CLVS1: variants seen among roughly 807,000 people sequenced by gnomAD.
CLVS1 encodes the protein clavesin 1, also known as clavesin-1.
A neutral mutation model predicts 33.1 loss-of-function variants in CLVS1; 10 were observed. The ratio of observed to expected loss-of-function variants is 0.30; its 90% confidence interval spans 0.19 to 0.51. The LOEUF (loss-of-function observed/expected upper bound fraction) is 0.51, where lower values mean the gene tolerates loss of function less well. Among genes scored for constraint, CLVS1 ranks in the 20% least tolerant of loss-of-function variants. CLVS1 has a pLI of 0.97. For missense variants in CLVS1, 343 were observed against 433.4 expected, an observed-to-expected ratio of 0.79 and a Z score of 1.85; for synonymous variants, 163 against 166.1, an observed-to-expected ratio of 0.98 and a Z score of 0.14.
At chr8:61,499,428 C>T (rs1212862515) in intron 5 of CLVS1, 27 bp from the exon 6 acceptor site, 1 of 1,519,532 alleles carries the variant, frequency 6.6e-7, no homozygotes, top group South Asian at 1.1e-5. Context: ...GTTTGTAATT[C>T]TGTCTTTTTC....
At chr8:60,990,396 G>A in the CLVS1 span, among the ~76,000 whole-genome samples, 3 of 152,294 alleles carry the variant, frequency 2.0e-5, no homozygotes, top group East Asian at 1.9e-4. Context: ...AGAGGTGCTC[G>A]TTTGGGTATT....
intron 2 of CLVS1, among the ~76,000 whole-genome samples, chr8:61,177,431 G>C (rs1399351918): frequency 2.6e-5 from 4 of 152,192 alleles, no homozygotes; most frequent in African/African-American, 7.2e-5. Flanking sequence ...CATCAGCCCA[G>C]ACGAGTAAGA....
chr8:61,156,288 C>T (rs1196350396), intron 2 of CLVS1, among the ~76,000 whole-genome samples: 9 of 151,692 alleles, frequency 5.9e-5, no homozygotes, highest in Admixed American at 5.2e-4. Flanking sequence ...CTCCACCTCC[C>T]CCGAGAAGCT....
chr8:61,317,486 T>C lies in CLVS1; in HGVS notation c.455+17204T>C, dbSNP rs1159431434. On this transcript the variant is annotated intron_variant, in intron 2 of 5. Transcript: ENST00000325897. Reference sequence around the variant, plus strand: ...TCAATTTTTATCCCCTAGGATTAATTCCAAGAAGTGGAATTAATGAGCAAT... The same window carrying C: ...TCAATTTTTATCCCCTAGGATTAATCCCAAGAAGTGGAATTAATGAGCAAT... Among the ~76,000 whole-genome samples the C allele has an allele frequency of 3.5e-4, 54 of 152,148 alleles. 2 individuals are homozygous for C. Among genetic ancestry groups the C allele is most frequent in the Admixed American group, 3.3e-3 (50 of 15,272 alleles).
the CLVS1 span, among the ~76,000 whole-genome samples, chr8:61,007,458 C>T: frequency 3.9e-5 from 6 of 152,188 alleles, no homozygotes; most frequent in African/African-American, 1.4e-4. Context: ...GCACTAAAGT[C>T]ACTATCGTTA....
intron 2 of CLVS1, among the ~76,000 whole-genome samples, chr8:61,242,431 A>C (rs1193282758): frequency 6.6e-6 from 1 of 152,002 alleles, no homozygotes; most frequent in East Asian, 1.9e-4. Context: ...TGCTCTTTGA[A>C]TATCTCATGG....
chr8:61,237,431 G>C (rs145982742), intron 2 of CLVS1, among the ~76,000 whole-genome samples: 88 of 152,286 alleles, frequency 5.8e-4, no homozygotes, highest in African/African-American at 1.7e-3. Context: ...CAAGGTGATA[G>C]AGCAAGACTG....
chr8:61,002,324 CTTGT>C, the CLVS1 span, among the ~76,000 whole-genome samples: 1 of 127,114 alleles, frequency 7.9e-6, no homozygotes, highest in African/African-American at 3.0e-5. Flanking sequence ...TGTATGCTTG[CTTGT>C]TTTTTTTTTT....
chr8:61,017,913 C>T, the CLVS1 span, among the ~76,000 whole-genome samples: 3 of 152,336 alleles, frequency 2.0e-5, no homozygotes, highest in South Asian at 6.2e-4. Context: ...AGCCCCAATA[C>T]GTCCTTAGTG....
chr8:61,363,003 GAA>G (rs1274006989), intron 2 of CLVS1, among the ~76,000 whole-genome samples: 1 of 152,084 alleles, frequency 6.6e-6, no homozygotes, highest in African/African-American at 2.4e-5. Flanking sequence ...TTAGTTAATG[GAA>G]AAAAGATAGG....
chr8:61,412,494 A>G (rs1479520415), intron 3 of CLVS1, among the ~76,000 whole-genome samples: 2 of 152,212 alleles, frequency 1.3e-5, no homozygotes, highest in East Asian at 3.9e-4. Flanking sequence ...ATAGGTATCT[A>G]CTGTGGCTAT....
At chr8:61,321,533 A>T (rs183169842) in intron 2 of CLVS1, among the ~76,000 whole-genome samples, 1 of 152,166 alleles carries the variant, frequency 6.6e-6, no homozygotes, top group East Asian at 1.9e-4. Context: ...TTCTTGGAAC[A>T]TAATGCAAAC....
the CLVS1 span, among the ~76,000 whole-genome samples, chr8:60,983,893 G>A: frequency 6.6e-6 from 1 of 152,088 alleles, no homozygotes; most frequent in South Asian, 2.1e-4. Flanking sequence ...CCTTTTCCTG[G>A]TAGAGCTACC....
At chr8:61,069,883 C>T (rs781772033) in intron 1 of CLVS1, among the ~76,000 whole-genome samples, 13 of 152,114 alleles carry the variant, frequency 8.5e-5, no homozygotes, top group Admixed American at 3.9e-4. Context: ...CTCTGCCTCC[C>T]GGGTGATTCT....
At chr8:61,473,273 C>T (rs1256349104) in intron 5 of CLVS1, among the ~76,000 whole-genome samples, 2 of 149,560 alleles carry the variant, frequency 1.3e-5, no homozygotes, top group African/African-American at 2.5e-5. Flanking sequence ...ATGCATTTTC[C>T]ATCACATTAA....
intron 3 of CLVS1, among the ~76,000 whole-genome samples, chr8:61,385,062 G>T (rs1053538442): frequency 1.3e-5 from 2 of 152,170 alleles, no homozygotes; most frequent in African/African-American, 4.8e-5. Flanking sequence ...CAAACCACAG[G>T]TGGTGGGGGC....
intron 2 of CLVS1, among the ~76,000 whole-genome samples, chr8:61,230,808 T>G (rs1163466430): frequency 6.6e-6 from 1 of 152,136 alleles, no homozygotes; most frequent in Non-Finnish European, 1.5e-5. Context: ...CAGTTTCAAA[T>G]GCTGGGAAGT....
rs1397610778 is a variant in CLVS1, at chr8:61,458,527, C to T, written c.962C>T (p.Pro321Leu). ...TCGAATCTGGAGAGAGAATGCTCAC[C>T]CAAGCTGATGAAAAGGTAAGGCCTG... ...TSSNLERECS[P>L]KLMKRSQSVV... is the part of the protein sequence containing the mutation. The change falls in exon 5 of 6, where the codon CCC becomes CTC. Residue 321 changes from proline (P) to leucine (L), a missense_variant. Pro to Leu is a moderately conservative substitution (Grantham distance 98). Coordinates refer to ENST00000325897, the MANE Select transcript of CLVS1 (RefSeq NM_173519.3). 1.9e-6 allele frequency: 3 copies of T among 1,607,324 alleles called. No homozygotes were observed. The highest frequency in any genetic ancestry group is 2.6e-6 in the Non-Finnish European group (3 of 1,176,446).
intron 2 of CLVS1, among the ~76,000 whole-genome samples, chr8:61,337,809 T>C (rs2129597867): frequency 6.6e-6 from 1 of 152,296 alleles, no homozygotes; most frequent in East Asian, 1.9e-4. Flanking sequence ...AGATTCTGAT[T>C]TGGGTGACAT....
Sources: allele counts gnomAD v4.1 joint callset (sites outside exome capture counted in the v4.1 genomes callset), GRCh38; gene constraint gnomAD v4.1.1; transcripts MANE v1.5; gene names NCBI Gene and HGNC (gene_info 2026-07-23, HGNC 2026-07-21).